The following CCNH variants were observed in gnomAD, a reference collection of about 807,000 sequenced individuals.
The protein encoded by CCNH is cyclin-H.
CCNH carries 31 observed loss-of-function variants against 41.9 expected under a neutral mutation model. The ratio of observed to expected loss-of-function variants is 0.74; its 90% CI spans 0.56 to 1.00. The LOEUF (loss-of-function observed/expected upper bound fraction) is 1.00, where lower values mean the gene tolerates loss of function less well. CCNH is among the 50% of genes least tolerant of loss of function. The probability of loss-of-function intolerance (pLI) is 0.00; values close to 1 mark genes in which losing one functional copy is unlikely to be tolerated. For synonymous variants in CCNH, 138 were observed against 136.1 expected, an observed-to-expected ratio of 1.01 and a Z score of -0.10; for missense variants, 362 against 388.4, an observed-to-expected ratio of 0.93 and a Z score of 0.57.
chr5:87,363,270 T>G (rs1760252127), intron 9 of CCNH: 8 of 1,298,888 alleles, frequency 6.2e-6, no homozygotes, highest in Non-Finnish European at 8.7e-6. Context: ...ATTCATATTT[T>G]TAGAAACACT....
Position 87,341,293 on chromosome 5 carries a change from C to T in CCNH, c.*91-22396G>A, listed in dbSNP as rs1758423506. On this transcript the variant is annotated intron_variant and NMD_transcript_variant, in intron 9 of 9. Transcript: ENST00000645953. ...TGTCTTAATGTCTTCCCTTTAGGGC[C>T]GGGAAGAAGATCCACATGAAGGAAA... 4.5e-6 allele frequency: 6 copies of T among 1,340,458 alleles called. No individual in the cohort carries two copies. The highest frequency in any genetic ancestry group is 5.9e-5 in the East Asian group (2 of 33,684). 83.0% of individuals were successfully genotyped at this position (1,340,458 alleles called of 1,614,324 possible).
intron 9 of CCNH, among the ~76,000 whole-genome samples, chr5:87,325,742 G>A (rs926199933): frequency 1.3e-5 from 2 of 152,168 alleles, no homozygotes; most frequent in Non-Finnish European, 2.9e-5. Context: ...TGTTAGCACT[G>A]TTTTAATGGT....
intron 9 of CCNH, among the ~76,000 whole-genome samples, chr5:87,354,008 A>T (rs530299428): frequency 6.6e-6 from 1 of 152,224 alleles, no homozygotes; most frequent in South Asian, 2.1e-4. Context: ...GACATAAAGG[A>T]TTATTAAGGG....
intron 9 of CCNH, among the ~76,000 whole-genome samples, chr5:87,320,270 C>T (rs1756690026): frequency 6.6e-6 from 1 of 152,200 alleles, no homozygotes; most frequent in South Asian, 2.1e-4. Flanking sequence ...CAAACTGTTC[C>T]AGCCTCTGCC....
chr5:87,407,984 C>A lies in CCNH; in HGVS notation c.517G>T (p.Asp173Tyr), dbSNP rs770037305. Residue 173 changes from aspartate (D) to tyrosine (Y), a missense_variant, in exon 4 of 9, where the codon GAC (aspartate) becomes TAC (tyrosine). By Grantham distance (160) the Asp-to-Tyr change is radical. Coordinates refer to ENST00000256897, the MANE Select transcript of CCNH (RefSeq NM_001239.4). ...TTTTACATCAAGTTTACCTTTAAGT[C>A]GATGAGGAAGCCCTCAAATGGTCTG... ...PYRPFEGFLI[D>Y]LKTRYPILEN... is the part of the protein sequence containing the mutation. The A allele has an allele frequency of 1.9e-6, 3 of 1,607,580 alleles. No individual in the cohort carries two copies. The highest frequency in any genetic ancestry group is 2.2e-5 in the East Asian group (1 of 44,844).
rs750889121 is a variant in CCNH, at chr5:87,394,399, T to G, written c.*47A>C. ...AATAAAGTTAAACGTTTGATATGCT[T>G]CCTACTTCTCTTGATTAGTTAGCAT... On this transcript the variant is annotated 3_prime_UTR_variant, in exon 9 of 9. Coordinates refer to ENST00000256897, the MANE Select transcript of CCNH (RefSeq NM_001239.4). 3.1e-6 allele frequency: 5 copies of G among 1,597,016 alleles called. No homozygotes were observed. In the South Asian group the frequency reaches 5.6e-5, roughly 18 times the overall value.
intron 9 of CCNH, among the ~76,000 whole-genome samples, chr5:87,370,387 T>C (rs1199986415): frequency 6.6e-6 from 1 of 152,222 alleles, no homozygotes. Context: ...TATTAATCCA[T>C]GTGCAGTGTC....
At position 87,367,127 on chromosome 5, in the gene CCNH, A is replaced by G. The variant is rs1437007395; in HGVS notation, c.*90+25643T>C. On this transcript the variant is annotated intron_variant and NMD_transcript_variant, in intron 9 of 9. Transcript: ENST00000645953. The stretch of plus-strand genomic sequence containing the variant: ...TTTTTAAAGTGCCTTCCTGTGAAAT[A>G]GAGAAGCACTTAGTGAGAAAGACTG... 2.6e-5 allele frequency among the ~76,000 whole-genome samples: 4 copies of G among 152,224 alleles called. No individual in the cohort carries two copies. In the East Asian group the frequency reaches 7.7e-4, roughly 29 times the overall value.
intron 9 of CCNH, among the ~76,000 whole-genome samples, chr5:87,334,420 A>G (rs554969367): frequency 1.3e-5 from 2 of 152,306 alleles, no homozygotes; most frequent in Admixed American, 1.3e-4. Flanking sequence ...CTCTGATTCA[A>G]ATGCTAATCT....
upstream of CCNH, chr5:87,378,634 A>G: frequency 7.7e-7 from 1 of 1,297,876 alleles, no homozygotes; most frequent in Non-Finnish European, 1.1e-6. Context: ...AATATATTAA[A>G]TTTCTAAAAT....
At chr5:87,370,412 T>C (rs1166781515) in intron 9 of CCNH, among the ~76,000 whole-genome samples, 2 of 152,214 alleles carry the variant, frequency 1.3e-5, no homozygotes, top group Non-Finnish European at 2.9e-5. Flanking sequence ...TTATAGCGTC[T>C]ATTAAGTAAT....
chr5:87,358,996 C>T (rs16902632), intron 9 of CCNH, among the ~76,000 whole-genome samples: 52,864 of 152,034 alleles, frequency 0.35, 9,526 homozygotes, highest in East Asian at 0.48. Context: ...TTGCTCAACC[C>T]TGCGGAGCAC....
chr5:87,349,466 C>G (rs1329538639), intron 9 of CCNH: 1 of 1,354,610 alleles, frequency 7.4e-7, no homozygotes, highest in East Asian at 2.5e-5. Context: ...TTTCTAACTT[C>G]TAAAAATTAT....
chr5:87,378,876 A>G (rs1008830488), upstream of CCNH, among the ~76,000 whole-genome samples: 1 of 152,164 alleles, frequency 6.6e-6, no homozygotes, highest in African/African-American at 2.4e-5. Flanking sequence ...TATATAACCT[A>G]TGTAGCACTT....
chr5:87,321,699 A>T (rs1756823784), intron 9 of CCNH, among the ~76,000 whole-genome samples: 1 of 152,126 alleles, frequency 6.6e-6, no homozygotes, highest in African/African-American at 2.4e-5. Flanking sequence ...AGGGTATGCC[A>T]CTCTCCCAGC....
chr5:87,370,165 T>C (rs1015825212), intron 9 of CCNH, among the ~76,000 whole-genome samples: 2 of 152,196 alleles, frequency 1.3e-5, no homozygotes, highest in African/African-American at 4.8e-5. Context: ...CAACTGAGAA[T>C]GCTCATTTAA....
rs199623645 is a variant in CCNH, at chr5:87,411,338, C to G, written c.126G>C (p.Pro42=). 15 of 1,605,410 alleles carry G rather than the reference C, an allele frequency of 9.3e-6. No homozygotes were observed. In the South Asian group the frequency reaches 1.5e-4, roughly 16 times the overall value. The change falls in exon 2 of 9, where the codon CCG becomes CCC. Residue 42 remains proline, a synonymous_variant. Transcript: ENST00000256897. ...CKAVANGKVL[P]NDPVFLEPHE... Reference sequence around the variant, plus strand: ...GAGGCTCAAGAAAGACTGGATCATTCGGAAGAACCTTTAGATCAACAATTA... The same window carrying G: ...GAGGCTCAAGAAAGACTGGATCATTGGGAAGAACCTTTAGATCAACAATTA...
downstream of CCNH, among the ~76,000 whole-genome samples, chr5:87,374,510 T>A (rs1471267396): frequency 6.7e-6 from 1 of 149,836 alleles, no homozygotes; most frequent in Non-Finnish European, 1.5e-5. Context: ...TGAAGTGCTA[T>A]GCCCTTGGTT....
chr5:87,353,378 T>G, intron 9 of CCNH: 1 of 741,750 alleles, frequency 1.3e-6, no homozygotes, highest in Non-Finnish European at 2.3e-6. Flanking sequence ...GAAAGTCAAC[T>G]GTAAGAATCT....
Sources: allele counts gnomAD v4.1 joint callset (sites outside exome capture counted in the v4.1 genomes callset), GRCh38; gene constraint gnomAD v4.1.1; transcripts MANE v1.5; gene names NCBI Gene and HGNC (gene_info 2026-07-23, HGNC 2026-07-21).